Variants in CNTNAP4 observed in about 807,000 individuals in gnomAD.
CNTNAP4 encodes contactin-associated protein-like 4.
CNTNAP4 carries 98 observed loss-of-function variants against 148.4 expected under a neutral mutation model. The observed-to-expected ratio is 0.66, with a 90% CI of 0.56 to 0.78. CNTNAP4 has a LOEUF of 0.78. Among genes scored for constraint, CNTNAP4 ranks in the 30% least tolerant of loss-of-function variants. The pLI, the probability that CNTNAP4 is intolerant of heterozygous loss-of-function variation, is 0.00. For synonymous variants in CNTNAP4, 730 were observed against 565.1 expected, an observed-to-expected ratio of 1.29 and a Z score of -4.14; for missense variants, 1,935 against 1,565.6, an observed-to-expected ratio of 1.24 and a Z score of -3.98.
rs1197757947 is a variant in CNTNAP4 at position 76,316,799 on chromosome 16, A to G, written c.196+276A>G. The stretch of plus-strand genomic sequence containing the variant: ...CTACAATAATATACAATCCTTATGG[A>G]CACATTAGTGATGAAACCTTAATTG... On this transcript the variant is annotated intron_variant, in intron 2 of 23. Coordinates refer to ENST00000611870, the MANE Select transcript of CNTNAP4 (RefSeq NM_033401.5). 2.6e-5 allele frequency among the ~76,000 whole-genome samples: 4 copies of G among 152,194 alleles called. No individual in the cohort carries two copies. In the East Asian group the frequency reaches 5.8e-4, roughly 22 times the overall value.
At chr16:76,312,186 T>G (rs547796231) in intron 1 of CNTNAP4, among the ~76,000 whole-genome samples, 1 of 152,304 alleles carries the variant, frequency 6.6e-6, no homozygotes, top group East Asian at 1.9e-4. Flanking sequence ...GGTGGAAGGC[T>G]ACCCTGTGTT....
At chr16:76,352,414 C>G (rs2011933493) in intron 2 of CNTNAP4, among the ~76,000 whole-genome samples, 1 of 152,126 alleles carries the variant, frequency 6.6e-6, no homozygotes, top group Non-Finnish European at 1.5e-5. Flanking sequence ...CTGAGCTTCC[C>G]TGATCTCCAG....
chr16:76,290,006 G>C (rs1159057576), intron 1 of CNTNAP4, among the ~76,000 whole-genome samples: 1 of 152,108 alleles, frequency 6.6e-6, no homozygotes, highest in Non-Finnish European at 1.5e-5. Flanking sequence ...GAAGTTTATA[G>C]TCATAACTTT....
At chr16:76,283,005 C>T (rs1958745764) in intron 1 of CNTNAP4, among the ~76,000 whole-genome samples, 1 of 151,232 alleles carries the variant, frequency 6.6e-6, no homozygotes, top group Non-Finnish European at 1.5e-5. Flanking sequence ...AAAATAAACC[C>T]CCCCACCAAA....
chr16:76,311,382 G>C (rs1961090520), intron 1 of CNTNAP4, among the ~76,000 whole-genome samples: 1 of 152,080 alleles, frequency 6.6e-6, no homozygotes, highest in Admixed American at 6.5e-5. Flanking sequence ...GTCATGTAAA[G>C]AGTAAATGGT....
In CNTNAP4 at chr16:76,403,911, G is replaced by A. The variant is rs534373801; in HGVS notation, c.391-23541G>A. 1.7e-3 allele frequency among the ~76,000 whole-genome samples: 257 copies of A among 152,262 alleles called. 1 individual carries two copies. The highest frequency in any genetic ancestry group is 0.01 in the Middle Eastern group (3 of 294). Reference sequence around the variant, plus strand: ...TGTCTTTTATGGGAACATGGATGGAGCTGGAGGCCATTATCATTAGCAAAC... The same window carrying A: ...TGTCTTTTATGGGAACATGGATGGAACTGGAGGCCATTATCATTAGCAAAC... On this transcript the variant is annotated intron_variant, in intron 3 of 23. Coordinates refer to ENST00000611870, the MANE Select transcript of CNTNAP4 (RefSeq NM_033401.5).
At chr16:76,479,901 A>G (rs1391250188) in intron 12 of CNTNAP4, among the ~76,000 whole-genome samples, 1 of 152,186 alleles carries the variant, frequency 6.6e-6, no homozygotes, top group African/African-American at 2.4e-5. Context: ...TCTTACATAA[A>G]TTTACATAGA....
intron 17 of CNTNAP4, among the ~76,000 whole-genome samples, chr16:76,527,528 GA>G (rs2083794354): frequency 6.6e-6 from 1 of 152,092 alleles, no homozygotes; most frequent in Non-Finnish European, 1.5e-5. Flanking sequence ...TTTGTATCTG[GA>G]TATGGGGCAA....
At chr16:76,414,831 A>G (rs564248595) in intron 3 of CNTNAP4, among the ~76,000 whole-genome samples, 55 of 151,468 alleles carry the variant, frequency 3.6e-4, no homozygotes, top group African/African-American at 1.3e-3. Context: ...TAATGTGTAT[A>G]GGATCATCGT....
intron 23 of CNTNAP4, 181 bp from the exon 24 acceptor site, chr16:76,558,309 T>G (rs1458463824): frequency 2.0e-6 from 1 of 506,762 alleles, no homozygotes. Context: ...AACTCAGAAA[T>G]AAACTCAACA....
chr16:76,527,786 T>G (rs948684511), intron 17 of CNTNAP4, among the ~76,000 whole-genome samples: 1 of 152,178 alleles, frequency 6.6e-6, no homozygotes, highest in African/African-American at 2.4e-5. Flanking sequence ...GTTCATTTGC[T>G]TTATTACAGT....
intron 3 of CNTNAP4, among the ~76,000 whole-genome samples, chr16:76,408,053 A>T (rs2078660109): frequency 6.6e-6 from 1 of 150,762 alleles, no homozygotes; most frequent in Non-Finnish European, 1.5e-5. Context: ...TGAGATTATG[A>T]TTAGTATTTT....
chr16:76,309,996 A>T lies in CNTNAP4; in HGVS notation c.86-6417A>T, dbSNP rs1177909954. 4.6e-6 allele frequency: 3 copies of T among 650,682 alleles called. No individual in the cohort carries two copies. The African/African-American group carries it at 5.5e-5, about 12-fold the overall frequency. 40.3% of individuals were successfully genotyped at this position (650,682 alleles called of 1,614,324 possible). A position where few individuals can be genotyped will look rare whatever the true frequency, so the allele number is the denominator to read the frequency against. The stretch of plus-strand genomic sequence containing the variant: ...CGGACTAAAACAGGGGCCAGTTGCT[A>T]CAGGAGTTATTATTTGGCTTCTTGC... On this transcript the variant is annotated intron_variant, in intron 1 of 23. Transcript: ENST00000611870.
At chr16:76,531,248 G>A (rs1030244032) in intron 17 of CNTNAP4, among the ~76,000 whole-genome samples, 2 of 152,092 alleles carry the variant, frequency 1.3e-5, no homozygotes, top group African/African-American at 4.8e-5. Context: ...AATCTCAAAG[G>A]TCTTTCTGCC....
chr16:76,494,481 A>G (rs1007813731), intron 13 of CNTNAP4, among the ~76,000 whole-genome samples: 1 of 152,188 alleles, frequency 6.6e-6, no homozygotes, highest in Admixed American at 6.5e-5. Context: ...GGGACTTTAC[A>G]TAACATTCCA....
chr16:76,326,808 G>A (rs2144202213), intron 2 of CNTNAP4, among the ~76,000 whole-genome samples: 1 of 151,856 alleles, frequency 6.6e-6, no homozygotes, highest in African/African-American at 2.4e-5. Context: ...GTGGGGTGGG[G>A]GTGGGGGAGA....
Position 76,508,815 on chromosome 16 carries a change from C to T in CNTNAP4, c.2365+10121C>T, listed in dbSNP as rs1308094853. 3.5e-5 allele frequency among the ~76,000 whole-genome samples: 3 copies of T among 86,120 alleles called. 1 individual carries two copies. The highest frequency in any genetic ancestry group is 2.4e-4 in the Admixed American group (2 of 8,212). The allele number at this position is 86,120 out of a possible 152,430, so 56.5% of individuals were successfully genotyped here. ...TCGCCCAGGCTGGAGTGCAGTGGCA[C>T]GATCTCGGCTCACTGCAAGCTCCGC... is the stretch of plus-strand genomic sequence containing the variant. On this transcript the variant is annotated intron_variant, in intron 15 of 23. Transcript: ENST00000611870.
intron 17 of CNTNAP4, among the ~76,000 whole-genome samples, chr16:76,533,419 C>T (rs765079111): frequency 7.9e-5 from 12 of 151,970 alleles, no homozygotes; most frequent in Non-Finnish European, 1.8e-4. Context: ...GTGTTGTATG[C>T]CACTGTAGAA....
At chr16:76,290,109 G>C (rs9941033) in intron 1 of CNTNAP4, among the ~76,000 whole-genome samples, 32,799 of 152,008 alleles carry the variant, frequency 0.22, 4,282 homozygotes, top group East Asian at 0.43. Flanking sequence ...TGTGCCCTGT[G>C]TTATTTTATT....
Sources: allele counts gnomAD v4.1 joint callset (sites outside exome capture counted in the v4.1 genomes callset), GRCh38; gene constraint gnomAD v4.1.1; transcripts MANE v1.5; gene names NCBI Gene and HGNC (gene_info 2026-07-23, HGNC 2026-07-21).